LSP1: variants seen among roughly 807,000 people sequenced by gnomAD.
The protein encoded by LSP1 is lymphocyte specific protein 1.
Under a neutral mutation model 49.3 loss-of-function variants are expected in LSP1, and 32 were observed. That is an observed-to-expected ratio of 0.65 (90% confidence interval 0.49 to 0.87). The LOEUF is 0.87. Ranked by LOEUF, LSP1 falls within the 40% of genes least tolerant of loss-of-function variation. The pLI is 0.00. For synonymous variants in LSP1, 179 were observed against 178.8 expected (o/e 1.00, Z -0.01); for missense variants, 428 against 442.6 (o/e 0.97, Z 0.30).
rs1848533903 is a variant in LSP1, at chr11:1,881,423, T to G, written c.192-9T>G. On this transcript the variant is annotated splice_polypyrimidine_tract_variant and intron_variant, in intron 2 of 10. Coordinates refer to ENST00000311604, the MANE Select transcript of LSP1 (RefSeq NM_002339.3). Reference sequence around the variant, plus strand: ...CGCCCAGGCCTAAGCTCCCCCCTGCTACCCTCAGCCTCAGCCTGAAGCCCT... The same window carrying G: ...CGCCCAGGCCTAAGCTCCCCCCTGCGACCCTCAGCCTCAGCCTGAAGCCCT... 2 of 1,562,868 alleles carry G rather than the reference T, an allele frequency of 1.3e-6. No individual in the cohort carries two copies. The highest frequency in any genetic ancestry group is 4.7e-5 in the East Asian group (2 of 42,250).
intron 10 of LSP1, chr11:1,890,416 C>G (rs868443930): frequency 1.4e-6 from 1 of 717,180 alleles, no homozygotes; most frequent in Middle Eastern, 2.3e-4. Flanking sequence ...CTGGGTGGAG[C>G]GAGGTGTGTG....
chr11:1,863,666 C>T (rs1847701258), intron 1 of LSP1: 1 of 152,310 alleles, frequency 6.6e-6, no homozygotes, highest in African/African-American at 2.4e-5. Flanking sequence ...CGGCCACTAG[C>T]CCCGAGTGTT....
intron 1 of LSP1, among the ~76,000 whole-genome samples, chr11:1,873,939 G>C (rs1276624593): frequency 1.3e-3 from 146 of 115,574 alleles, no homozygotes; most frequent in South Asian, 3.0e-3. Context: ...GCCGGCAGAG[G>C]AGGGAGGCCG....
intron 2 of LSP1, 156 bp from the exon 3 acceptor site, chr11:1,881,276 T>C: frequency 4.3e-6 from 3 of 696,476 alleles, no homozygotes; most frequent in Non-Finnish European, 6.9e-6. Context: ...TCAGGTATTC[T>C]GACCACAGGA....
intron 2 of LSP1, chr11:1,881,073 A>ACACTGAT (rs1589826450): frequency 4.7e-6 from 1 of 212,442 alleles, no homozygotes; most frequent in East Asian, 1.4e-4. Context: ...AGGGAGCCCT[A>ACACTGAT]CACTGATCGA....
intron 2 of LSP1, chr11:1,881,094 C>CCTTA: frequency 4.0e-6 from 1 of 249,846 alleles, no homozygotes; most frequent in Non-Finnish European, 7.8e-6. Flanking sequence ...AGAGGCACAG[C>CCTTA]CTTACCCTCA....
At chr11:1,870,226 C>A in intron 1 of LSP1, 1 of 1,259,506 alleles carries the variant, frequency 7.9e-7, no homozygotes, top group Non-Finnish European at 1.1e-6. Context: ...TCCCACGGCC[C>A]ACTGAAGCTG....
At position 1,884,561 on chromosome 11, in the gene LSP1, C is replaced by A. The variant is rs1163688948; in HGVS notation, c.697C>A (p.Gln233Lys). ...PISKIDQWLE[Q>K]YTQAIETAGR... Reference sequence around the variant, plus strand: ...CTCCAAGATTGATCAGTGGCTGGAACAATACACCCAGGCCATCGAGGTATG... The same window carrying A: ...CTCCAAGATTGATCAGTGGCTGGAAAAATACACCCAGGCCATCGAGGTATG... Residue 233 changes from glutamine (Q) to lysine (K), a missense_variant, in exon 7 of 11, where the codon CAA (glutamine) becomes AAA (lysine). Physicochemically the swap from Gln to Lys is moderately conservative, Grantham distance 53. Coordinates refer to ENST00000311604, the MANE Select transcript of LSP1 (RefSeq NM_002339.3). This position sits in a 1 kb window ranked among gnomAD's most constrained non-coding sequence, Gnocchi z 4.1. The A allele has an allele frequency of 1.2e-6, 2 of 1,613,908 alleles. No individual in the cohort carries two copies. Among genetic ancestry groups the A allele is most frequent in the Non-Finnish European group, 1.7e-6 (2 of 1,179,898 alleles).
chr11:1,853,158 C>T lies in LSP1; in HGVS notation c.14C>T (p.Ser5Leu), dbSNP rs142354742. ...GACTACAGGCTGATGGCGGAGGCTT[C>T]GAGTGACCCGGGTGCCGAGGAGCGG... The part of the protein sequence containing the change: MAEA[S>L]SDPGAEEREE... The change falls in exon 1 of 11, where the codon TCG (serine) becomes TTG (leucine). Residue 5 changes from serine to leucine, a missense_variant. Ser to Leu is a moderately radical substitution (Grantham distance 145). Transcript: ENST00000311604. 2.2e-4 allele frequency: 357 copies of T among 1,611,210 alleles called. No individual in the cohort carries two copies. Among genetic ancestry groups the T allele is most frequent in the African/African-American group, 4.8e-4 (36 of 74,918 alleles).
At chr11:1,868,932 C>T in intron 1 of LSP1, 1 of 986,058 alleles carries the variant, frequency 1.0e-6, no homozygotes, top group Non-Finnish European at 1.2e-6. Flanking sequence ...ACCCTGAGGC[C>T]AGAGGGAGCA....
intron 1 of LSP1, among the ~76,000 whole-genome samples, chr11:1,864,597 G>C (rs900636953): frequency 6.6e-6 from 1 of 152,082 alleles, no homozygotes; most frequent in Admixed American, 6.5e-5. Context: ...TACTCTTCTC[G>C]GAAGGAGGAG....
chr11:1,858,608 C>T (rs554502284), intron 1 of LSP1, among the ~76,000 whole-genome samples: 11 of 152,180 alleles, frequency 7.2e-5, no homozygotes, highest in Non-Finnish European at 1.2e-4. Context: ...TGGCTGTGGA[C>T]GAGGCTGTAT....
intron 1 of LSP1, chr11:1,871,322 C>G (rs1436762529): frequency 3.0e-6 from 3 of 986,062 alleles, no homozygotes; most frequent in Non-Finnish European, 3.6e-6. Flanking sequence ...CCAGGCTGGT[C>G]GCCGCAGATG....
chr11:1,861,394 C>G (rs781059448), intron 1 of LSP1, among the ~76,000 whole-genome samples: 1 of 152,202 alleles, frequency 6.6e-6, no homozygotes, highest in Non-Finnish European at 1.5e-5. Context: ...GAATCCCCAG[C>G]ACCTTCAAAG....
intron 7 of LSP1, among the ~76,000 whole-genome samples, chr11:1,886,478 G>A (rs1848754111): frequency 6.6e-6 from 1 of 152,208 alleles, no homozygotes; most frequent in South Asian, 2.1e-4. Context: ...ACCCCATGAG[G>A]AGCATGGAGG....
chr11:1,866,739 T>C, intron 1 of LSP1: 1 of 1,550,280 alleles, frequency 6.5e-7, no homozygotes, highest in Non-Finnish European at 8.7e-7. Flanking sequence ...GTGCCTGGGG[T>C]CAATCCCCCA....
At chr11:1,868,265 AG>A (rs1381385309) in intron 1 of LSP1, among the ~76,000 whole-genome samples, 1 of 152,184 alleles carries the variant, frequency 6.6e-6, no homozygotes, top group African/African-American at 2.4e-5. Context: ...CGGAGTGAAG[AG>A]GGGGGCTGGG....
intron 3 of LSP1, among the ~76,000 whole-genome samples, chr11:1,882,394 C>T (rs1429945146): frequency 6.6e-6 from 1 of 152,192 alleles, no homozygotes; most frequent in Non-Finnish European, 1.5e-5. Context: ...CAGCCTGGAG[C>T]TCTAGGGACC....
chr11:1,875,720 G>A (rs1848279656), intron 1 of LSP1, among the ~76,000 whole-genome samples: 1 of 152,238 alleles, frequency 6.6e-6, no homozygotes, highest in Non-Finnish European at 1.5e-5. Flanking sequence ...GGTGCTAGAG[G>A]CCCCGGGGGG....
Sources: allele counts gnomAD v4.1 joint callset (sites outside exome capture counted in the v4.1 genomes callset), GRCh38; gene constraint gnomAD v4.1.1; non-coding constraint Gnocchi (gnomAD v3.1); transcripts MANE v1.5; gene names NCBI Gene and HGNC (gene_info 2026-07-23, HGNC 2026-07-21).